PLCXD3: variants seen among roughly 807,000 people sequenced by gnomAD.
The protein encoded by PLCXD3 is PI-PLC X domain-containing protein 3.
PLCXD3 carries 19 observed loss-of-function variants against 25.5 expected under a neutral mutation model. That is an observed-to-expected ratio of 0.75 (90% CI 0.52 to 1.09). The LOEUF is 1.09. Ranked by LOEUF, PLCXD3 falls within the 50% of genes least tolerant of loss-of-function variation. PLCXD3 has a pLI of 0.00. For missense variants in PLCXD3, 411 were observed against 388.1 expected (o/e 1.06, Z -0.50); for synonymous variants, 174 against 137.6 (o/e 1.26, Z -1.85).
intron 1 of PLCXD3, among the ~76,000 whole-genome samples, chr5:41,434,172 C>A (rs1359621047): frequency 6.6e-6 from 1 of 151,244 alleles, no homozygotes; most frequent in African/African-American, 2.5e-5. Context: ...CTTTGTTTAT[C>A]CTAGTTTGCC....
intron 2 of PLCXD3, among the ~76,000 whole-genome samples, chr5:41,329,939 C>A (rs1010303058): frequency 3.3e-5 from 5 of 151,228 alleles, no homozygotes; most frequent in African/African-American, 4.9e-5. Context: ...ATATATAATA[C>A]CTTTATAACA....
At chr5:41,336,121 G>C (rs1743972384) in intron 2 of PLCXD3, among the ~76,000 whole-genome samples, 2 of 152,124 alleles carry the variant, frequency 1.3e-5, no homozygotes, top group Admixed American at 1.3e-4. Context: ...GTGGCCTTTG[G>C]AAGGTTATTT....
rs967802226 is a variant in PLCXD3, at chr5:41,382,396, G to A, written c.242C>T (p.Thr81Ile). The A allele has an allele frequency of 6.2e-7, 1 of 1,613,520 alleles. No individual in the cohort carries two copies. Among genetic ancestry groups the A allele is most frequent in the Non-Finnish European group, 8.5e-7 (1 of 1,179,700 alleles). Residue 81 changes from threonine to isoleucine, a missense_variant, in exon 2 of 3, where the codon ACA becomes ATA. By Grantham distance (89) the Thr-to-Ile change is moderately conservative (BLOSUM62 -1). Coordinates refer to ENST00000377801, the MANE Select transcript of PLCXD3 (RefSeq NM_001005473.3). ...KLMRKWLATQ[T>I]MNFTGQLGAG... is the part of the protein sequence containing the mutation. Reference sequence around the variant, plus strand: ...TCCTAGCTGGCCAGTAAAATTCATTGTCTGAGTGGCTAACCATTTCCGCAT... The same window carrying A: ...TCCTAGCTGGCCAGTAAAATTCATTATCTGAGTGGCTAACCATTTCCGCAT...
At chr5:41,440,834 C>T (rs887773499) in intron 1 of PLCXD3, among the ~76,000 whole-genome samples, 3 of 152,158 alleles carry the variant, frequency 2.0e-5, no homozygotes, top group South Asian at 2.1e-4. Context: ...GAATACCTTA[C>T]CTTGTGGCCA....
intron 1 of PLCXD3, among the ~76,000 whole-genome samples, chr5:41,430,078 C>A (rs1580369466): frequency 6.6e-6 from 1 of 152,130 alleles, no homozygotes. Flanking sequence ...TTGCTGCTTG[C>A]TAGATGTGCA....
chr5:41,324,194 A>G (rs548885217), intron 2 of PLCXD3, among the ~76,000 whole-genome samples: 118 of 152,306 alleles, frequency 7.7e-4, no homozygotes, highest in South Asian at 2.7e-3. Context: ...AGGAGCATAT[A>G]GTGTCATGAA....
At chr5:41,487,685 A>T (rs907602545) in intron 1 of PLCXD3, among the ~76,000 whole-genome samples, 1 of 152,214 alleles carries the variant, frequency 6.6e-6, no homozygotes, top group Non-Finnish European at 1.5e-5. Context: ...TCTCCTCAGG[A>T]GGTGTCACAC....
intron 1 of PLCXD3, among the ~76,000 whole-genome samples, chr5:41,427,895 T>C (rs976062521): frequency 6.6e-6 from 1 of 152,126 alleles, no homozygotes; most frequent in Admixed American, 6.5e-5. Context: ...GGGAAACATA[T>C]TTTTTAATGT....
intron 1 of PLCXD3, among the ~76,000 whole-genome samples, chr5:41,413,709 C>T (rs1269694204): frequency 6.6e-6 from 1 of 152,074 alleles, no homozygotes; most frequent in East Asian, 1.9e-4. Flanking sequence ...ATGGTCATCA[C>T]ACTTATGAGG....
chr5:41,342,929 A>G (rs1409089497), intron 2 of PLCXD3, among the ~76,000 whole-genome samples: 1 of 152,150 alleles, frequency 6.6e-6, no homozygotes, highest in Non-Finnish European at 1.5e-5. Context: ...ATTTCTAGAC[A>G]AAAGCAAGAA....
At chr5:41,480,942 T>C (rs773877672) in intron 1 of PLCXD3, among the ~76,000 whole-genome samples, 2 of 151,850 alleles carry the variant, frequency 1.3e-5, no homozygotes, top group Non-Finnish European at 2.9e-5. Flanking sequence ...AACAAAGTTA[T>C]AGCATAGTGG....
chr5:41,338,256 G>C, intron 2 of PLCXD3, among the ~76,000 whole-genome samples: 1 of 152,098 alleles, frequency 6.6e-6, no homozygotes, highest in East Asian at 1.9e-4. Context: ...GGTTTTCTTG[G>C]CCACATAAGT....
intron 1 of PLCXD3, among the ~76,000 whole-genome samples, chr5:41,467,436 A>AT (rs1425220849): frequency 2.0e-5 from 3 of 151,860 alleles, no homozygotes; most frequent in Non-Finnish European, 4.4e-5. Context: ...TGAGTTTCTT[A>AT]TTTTTTTGGA....
intron 1 of PLCXD3, among the ~76,000 whole-genome samples, chr5:41,395,256 T>C (rs905261117): frequency 6.6e-6 from 1 of 151,990 alleles, no homozygotes; most frequent in African/African-American, 2.4e-5. Flanking sequence ...AGAAAGGAAA[T>C]TGAAAAATTT....
Position 41,385,187 on chromosome 5 carries a change from G to A in PLCXD3, c.104-2653C>T, listed in dbSNP as rs184991087. 5.0e-3 allele frequency among the ~76,000 whole-genome samples: 766 copies of A among 152,110 alleles called. 9 individuals carry two copies. The highest frequency in any genetic ancestry group is 0.017 in the African/African-American group (708 of 41,522). On this transcript the variant is annotated intron_variant, in intron 1 of 2. Transcript: ENST00000377801. The stretch of plus-strand genomic sequence containing the variant: ...TAATTGAGAGGAAAAGCCTAACCTC[G>A]TGTCTTTAAAGCCAGGAGTCCTCTT...
At chr5:41,390,736 C>A (rs1049536471) in intron 1 of PLCXD3, among the ~76,000 whole-genome samples, 1 of 152,100 alleles carries the variant, frequency 6.6e-6, no homozygotes, top group Admixed American at 6.6e-5. Context: ...AAAACAAAAA[C>A]ACCTTCATAA....
chr5:41,462,016 A>G (rs924646081), intron 1 of PLCXD3, among the ~76,000 whole-genome samples: 5 of 152,008 alleles, frequency 3.3e-5, no homozygotes, highest in Non-Finnish European at 5.9e-5. Context: ...CAGTAGCCTG[A>G]AAGAGCCGGA....
At chr5:41,399,223 T>C (rs1746103581) in intron 1 of PLCXD3, among the ~76,000 whole-genome samples, 1 of 152,220 alleles carries the variant, frequency 6.6e-6, no homozygotes, top group Admixed American at 6.5e-5. Context: ...ATATATTCCA[T>C]GCTCATTGAT....
intron 2 of PLCXD3, among the ~76,000 whole-genome samples, chr5:41,375,947 C>T (rs753350839): frequency 2.6e-5 from 4 of 152,044 alleles, no homozygotes; most frequent in Non-Finnish European, 4.4e-5. Flanking sequence ...CAATTTCCAC[C>T]TCTAATGGAT....
Sources: allele counts gnomAD v4.1 joint callset (sites outside exome capture counted in the v4.1 genomes callset), GRCh38; gene constraint gnomAD v4.1.1; transcripts MANE v1.5; gene names NCBI Gene and HGNC (gene_info 2026-07-23, HGNC 2026-07-21).